Variants in THSD7A observed in about 807,000 individuals in gnomAD.
The protein encoded by THSD7A is thrombospondin type 1 domain containing 7A.
THSD7A carries 96 observed loss-of-function variants against 231.3 expected under a neutral mutation model. The ratio of observed to expected loss-of-function variants is 0.41; its 90% confidence interval spans 0.35 to 0.49. The LOEUF (loss-of-function observed/expected upper bound fraction) is 0.49. Among genes scored for constraint, THSD7A ranks in the 20% least tolerant of loss-of-function variants. THSD7A has a pLI of 0.05. For missense variants in THSD7A, 2,290 were observed against 2,070.2 expected (o/e 1.11, Z -2.06); for synonymous variants, 940 against 743.3 (o/e 1.26, Z -4.30).
rs762864710 is a variant in THSD7A at position 11,679,894 on chromosome 7, C to A, written c.191-42933G>T. Among the ~76,000 whole-genome samples, 5 of 152,034 alleles carry A rather than the reference C, an allele frequency of 3.3e-5. No homozygotes were observed. The South Asian group carries it at 1.0e-3, about 32-fold the overall frequency. On this transcript the variant is annotated intron_variant, in intron 1 of 27. Transcript: ENST00000423059. ...AAAGAGCTTGCAAAGCCAAGACAAT[C>A]AGAAGCAAAAAGAAGAAAGCTGGAG...
At position 11,593,509 on chromosome 7, in the gene THSD7A, A is replaced by G. The variant is rs758298625; in HGVS notation, c.1023-7T>C. 6.0e-5 allele frequency: 96 copies of G among 1,613,328 alleles called. No individual in the cohort carries two copies. The highest frequency in any genetic ancestry group is 7.5e-5 in the Non-Finnish European group (89 of 1,179,452). On this transcript the variant is annotated splice_region_variant and splice_polypyrimidine_tract_variant and intron_variant, in intron 2 of 27. Transcript: ENST00000423059. ...CTTCTCTTGCTGGCAAAAGCTGTAA[A>G]AGAGCATTGATATTCTCATTACAGA...
chr7:11,786,884 G>A (rs186784656), intron 1 of THSD7A, among the ~76,000 whole-genome samples: 1 of 151,834 alleles, frequency 6.6e-6, no homozygotes, highest in Non-Finnish European at 1.5e-5. Context: ...CATGCTTGCT[G>A]TCTCTATTTC....
chr7:11,508,698 T>C, intron 6 of THSD7A, among the ~76,000 whole-genome samples: 1 of 152,218 alleles, frequency 6.6e-6, no homozygotes, highest in Admixed American at 6.5e-5. Context: ...ACAACCTAAG[T>C]GTCTATTTAT....
At chr7:11,718,427 T>C (rs1781219040) in intron 1 of THSD7A, among the ~76,000 whole-genome samples, 1 of 151,676 alleles carries the variant, frequency 6.6e-6, no homozygotes, top group African/African-American at 2.4e-5. Flanking sequence ...CAGGCCACAT[T>C]ATTGCCCTAT....
chr7:11,810,256 TG>T (rs1784496120), intron 1 of THSD7A, among the ~76,000 whole-genome samples: 1 of 152,198 alleles, frequency 6.6e-6, no homozygotes, highest in Admixed American at 6.5e-5. Context: ...TTCAGATAGC[TG>T]TCTCTGTGCC....
At chr7:11,709,577 T>C (rs1160171792) in intron 1 of THSD7A, among the ~76,000 whole-genome samples, 1 of 150,856 alleles carries the variant, frequency 6.6e-6, no homozygotes, top group African/African-American at 2.4e-5. Context: ...TGGTGTATAG[T>C]TCAGTCAATA....
chr7:11,728,571 G>T (rs577092538), intron 1 of THSD7A, among the ~76,000 whole-genome samples: 1 of 151,962 alleles, frequency 6.6e-6, no homozygotes, highest in African/African-American at 2.4e-5. Flanking sequence ...AGAAGACAAT[G>T]ACAATCTAGC....
chr7:11,589,907 TA>T (rs1562749560), intron 4 of THSD7A, among the ~76,000 whole-genome samples: 1 of 152,128 alleles, frequency 6.6e-6, no homozygotes, highest in African/African-American at 2.4e-5. Context: ...CAGATTTAAT[TA>T]AAAAAAGATT....
intron 1 of THSD7A, chr7:11,820,259 C>G (rs959923137): frequency 6.7e-5 from 28 of 415,204 alleles, no homozygotes; most frequent in African/African-American, 5.8e-4. Flanking sequence ...TAGCTCCTCG[C>G]CAGCCATCTT....
chr7:11,739,427 T>C (rs919146676), intron 1 of THSD7A, among the ~76,000 whole-genome samples: 2 of 151,978 alleles, frequency 1.3e-5, no homozygotes, highest in African/African-American at 4.8e-5. Context: ...CATTTCTGTC[T>C]TACAGGCTAA....
At chr7:11,620,433 C>A (rs915567633) in intron 2 of THSD7A, among the ~76,000 whole-genome samples, 13 of 151,974 alleles carry the variant, frequency 8.6e-5, no homozygotes, top group African/African-American at 3.1e-4. Context: ...GAGGGGATTA[C>A]AAGTATAAAG....
At position 11,697,382 on chromosome 7, in the gene THSD7A, A is replaced by G. The variant is rs79750109; in HGVS notation, c.191-60421T>C. On this transcript the variant is annotated intron_variant, in intron 1 of 27. Coordinates refer to ENST00000423059, the MANE Select transcript of THSD7A (RefSeq NM_015204.3). ...CTTATTTATTTTTAACTCTGTAATA[A>G]TTTTTCATGCTTTTATGTGGTTTCA... Among the ~76,000 whole-genome samples, 328 of 151,270 alleles carry G rather than the reference A, an allele frequency of 2.2e-3. 9 individuals are homozygous for G. In the East Asian group the frequency reaches 0.059, roughly 27 times the overall value.
intron 18 of THSD7A, 94 bp downstream of exon 18, chr7:11,412,562 A>G (rs1468808116): frequency 1.4e-6 from 2 of 1,428,278 alleles, no homozygotes; most frequent in Non-Finnish European, 9.6e-7. Flanking sequence ...CAAAAGGCAC[A>G]CAGGTAGAGA....
intron 14 of THSD7A, among the ~76,000 whole-genome samples, chr7:11,427,055 T>C (rs535586522): frequency 9.2e-5 from 14 of 152,316 alleles, no homozygotes; most frequent in Non-Finnish European, 2.1e-4. Context: ...TATAGATTGA[T>C]CTATCCGTTG....
intron 11 of THSD7A, among the ~76,000 whole-genome samples, chr7:11,453,755 T>C (rs1785218369): frequency 6.6e-6 from 1 of 152,036 alleles, no homozygotes; most frequent in African/African-American, 2.4e-5. Flanking sequence ...CTACTCTTCG[T>C]AGAAACATGT....
intron 1 of THSD7A, among the ~76,000 whole-genome samples, chr7:11,735,471 C>A (rs1025895820): frequency 6.6e-6 from 1 of 151,850 alleles, no homozygotes; most frequent in Admixed American, 6.6e-5. Context: ...CATAAAATTA[C>A]CTTCAGGCTA....
At chr7:11,491,058 T>A (rs1014187941) in intron 6 of THSD7A, among the ~76,000 whole-genome samples, 4 of 152,082 alleles carry the variant, frequency 2.6e-5, no homozygotes, top group Non-Finnish European at 5.9e-5. Context: ...CTTGATTTGA[T>A]GTACTTAATC....
chr7:11,379,886 C>T (rs1191496475), intron 24 of THSD7A, 174 bp from the exon 25 acceptor site: 6 of 648,056 alleles, frequency 9.3e-6, no homozygotes, highest in African/African-American at 5.4e-5. Context: ...TGTAGTGACT[C>T]CAGGCCCTTT....
chr7:11,719,533 C>A (rs757288491), intron 1 of THSD7A, among the ~76,000 whole-genome samples: 4 of 151,540 alleles, frequency 2.6e-5, no homozygotes, highest in South Asian at 4.1e-4. Flanking sequence ...GATATCCTGT[C>A]ATTATCTAAG....
Sources: allele counts gnomAD v4.1 joint callset (sites outside exome capture counted in the v4.1 genomes callset), GRCh38; gene constraint gnomAD v4.1.1; transcripts MANE v1.5; gene names NCBI Gene and HGNC (gene_info 2026-07-23, HGNC 2026-07-21).